PCLO: variants seen among roughly 807,000 people sequenced by gnomAD.
The protein encoded by PCLO is protein piccolo.
A neutral mutation model predicts 427.5 loss-of-function variants in PCLO; 82 were observed. The observed-to-expected ratio is 0.19, with a 90% CI of 0.16 to 0.23. The LOEUF is 0.23. Ranked by LOEUF, PCLO falls within the 10% of genes least tolerant of loss-of-function variation. The pLI is 1.00. For missense variants in PCLO, 6,239 were observed against 6,115.9 expected (o/e 1.02, Z -0.67); for synonymous variants, 2,357 against 2,155.4 (o/e 1.09, Z -2.59).
Position 82,915,166 on chromosome 7 carries a change from C to G in PCLO, c.12820G>C (p.Ala4274Pro), listed in dbSNP as rs777954844. The change falls in exon 7 of 25, where the codon GCT becomes CCT. Residue 4274 changes from alanine to proline, a missense_variant. Physicochemically the swap from Ala to Pro is conservative, Grantham distance 27. Around this residue, in one of 5 missense-constraint regions of PCLO, gnomAD observed 680 missense variants for 677.3 expected, o/e 1.00. Transcript: ENST00000333891. ...LGTLGNTIRS[A>P]LQDEADKPYS... ...GGCTTATCCGCTTCATCCTGCAGAG[C>G]TGAGCGTATGGTATTTCCTAATGTG... The G allele has an allele frequency of 6.3e-7, 1 of 1,599,158 alleles. No individual in the cohort carries two copies. Among genetic ancestry groups the G allele is most frequent in the South Asian group, 1.1e-5 (1 of 89,578 alleles).
intron 3 of PCLO, among the ~76,000 whole-genome samples, chr7:83,023,735 T>C (rs543353575): frequency 5.3e-5 from 8 of 152,174 alleles, no homozygotes; most frequent in Admixed American, 2.0e-4. Flanking sequence ...AGATAAAATT[T>C]AATAGTTTCA....
intron 2 of PCLO, among the ~76,000 whole-genome samples, chr7:83,141,432 T>A (rs567768791): frequency 6.6e-6 from 1 of 152,178 alleles, no homozygotes; most frequent in East Asian, 1.9e-4. Context: ...GATACAACTG[T>A]TTAGTGAGCT....
intron 6 of PCLO, among the ~76,000 whole-genome samples, chr7:82,941,963 G>A (rs1366615491): frequency 6.6e-6 from 1 of 152,130 alleles, no homozygotes. Flanking sequence ...AGGATCACTT[G>A]AGGTCAGGAG....
chr7:82,977,763 T>G (rs975341591), intron 3 of PCLO, among the ~76,000 whole-genome samples: 1 of 152,148 alleles, frequency 6.6e-6, no homozygotes, highest in Non-Finnish European at 1.5e-5. Context: ...AACTTTAAAA[T>G]GAACACCCAT....
chr7:83,060,041 G>C (rs1185282266), intron 3 of PCLO, among the ~76,000 whole-genome samples: 2 of 152,142 alleles, frequency 1.3e-5, no homozygotes, highest in Non-Finnish European at 2.9e-5. Flanking sequence ...TGTTTCCTAT[G>C]GCAAGAAAAT....
At chr7:83,120,335 G>A (rs1417607020) in intron 3 of PCLO, among the ~76,000 whole-genome samples, 1 of 150,200 alleles carries the variant, frequency 6.7e-6, no homozygotes, top group Non-Finnish European at 1.5e-5. Flanking sequence ...CTGGGAGGCA[G>A]AGGTTGAGGG....
At position 82,811,915 on chromosome 7, in the gene PCLO, C is replaced by T. The variant is rs1217045591; in HGVS notation, c.14792-6086G>A. On this transcript the variant is annotated intron_variant, in intron 20 of 24. Transcript: ENST00000333891. The stretch of plus-strand genomic sequence containing the variant: ...GACAAATTATTAGATGACTATTAGT[C>T]ATTACAGATATATTTTATATATATA... Among the ~76,000 whole-genome samples the T allele has an allele frequency of 2.6e-5, 4 of 151,116 alleles. No individual in the cohort carries two copies. The East Asian group carries it at 7.7e-4, about 29-fold the overall frequency.
At chr7:82,956,965 C>A (rs772421014) in intron 4 of PCLO, 30 bp from the exon 5 acceptor site, 1 of 1,521,302 alleles carries the variant, frequency 6.6e-7, no homozygotes, top group Admixed American at 2.3e-5. Context: ...TACAGGAAAA[C>A]TTAACATGGT....
intron 3 of PCLO, among the ~76,000 whole-genome samples, chr7:83,008,374 T>C (rs571757185): frequency 6.6e-6 from 1 of 151,880 alleles, no homozygotes; most frequent in African/African-American, 2.4e-5. Flanking sequence ...AGCTATAACT[T>C]GTGGGAGTAG....
Position 83,156,364 on chromosome 7 carries a change from G to C in PCLO, c.277C>G (p.Pro93Ala). ...RKQELDSSHP[P>A]KQSGRPPDPG... ...TCCGGGGGTCTTCCTGATTGCTTTGGAGGATGACTACTATCCAACTCTTGT... is the reference window on the plus strand; with the variant it reads ...TCCGGGGGTCTTCCTGATTGCTTTGCAGGATGACTACTATCCAACTCTTGT... Residue 93 changes from proline (P) to alanine (A), a missense_variant, in exon 2 of 25, where the codon CCA becomes GCA. This residue lies in a region of PCLO where 4,677 missense variants were observed against 4,468.4 expected (regional missense o/e 1.05). Coordinates refer to ENST00000333891, the MANE Select transcript of PCLO (RefSeq NM_033026.6). 6.2e-7 allele frequency: 1 copy of C among 1,606,742 alleles called. No homozygotes were observed. Among genetic ancestry groups the C allele is most frequent in the Admixed American group, 1.7e-5 (1 of 59,420 alleles).
intron 22 of PCLO, among the ~76,000 whole-genome samples, chr7:82,790,712 G>A (rs1046136705): frequency 8.5e-5 from 13 of 152,110 alleles, no homozygotes; most frequent in Admixed American, 5.9e-4. Flanking sequence ...ATCCAGCTGC[G>A]CTTGTGAAAA....
At chr7:82,964,277 G>A (rs1795716972) in intron 4 of PCLO, among the ~76,000 whole-genome samples, 1 of 152,076 alleles carries the variant, frequency 6.6e-6, no homozygotes, top group Non-Finnish European at 1.5e-5. Flanking sequence ...GAGTAACTGG[G>A]AGACAGGAGA....
intron 3 of PCLO, among the ~76,000 whole-genome samples, chr7:82,973,322 A>G (rs930980713): frequency 6.6e-6 from 1 of 152,138 alleles, no homozygotes; most frequent in African/African-American, 2.4e-5. Context: ...TGTTTCTTTT[A>G]AAACCACTGA....
At chr7:83,149,706 C>T (rs1029820397) in intron 2 of PCLO, among the ~76,000 whole-genome samples, 1 of 152,178 alleles carries the variant, frequency 6.6e-6, no homozygotes, top group African/African-American at 2.4e-5. Flanking sequence ...TATTTTCTAC[C>T]AGCTCTTCTG....
At chr7:82,970,792 G>C (rs750201103) in intron 3 of PCLO, among the ~76,000 whole-genome samples, 2 of 151,820 alleles carry the variant, frequency 1.3e-5, no homozygotes, top group African/African-American at 2.4e-5. Flanking sequence ...AAAATACAAA[G>C]AGGAAATGAG....
At chr7:82,826,703 TCATA>T (rs780011243) in intron 17 of PCLO, 43 bp from the exon 18 acceptor site, 1 of 1,229,972 alleles carries the variant, frequency 8.1e-7, no homozygotes, top group South Asian at 1.4e-5. Flanking sequence ...TATCTTTCCA[TCATA>T]CATTTTCATT....
chr7:82,865,435 C>T (rs1046855914), intron 10 of PCLO, among the ~76,000 whole-genome samples: 1 of 152,154 alleles, frequency 6.6e-6, no homozygotes, highest in Non-Finnish European at 1.5e-5. Flanking sequence ...GTGCAGTGAG[C>T]TGAGATCGCG....
intron 12 of PCLO, 39 bp downstream of exon 12, chr7:82,846,528 C>A (rs1792507032): frequency 7.7e-7 from 1 of 1,306,048 alleles, no homozygotes; most frequent in South Asian, 1.2e-5. Flanking sequence ...CTATTTCTAT[C>A]TCTTTATTTA....
At chr7:82,876,412 A>T (rs929073430) in intron 10 of PCLO, among the ~76,000 whole-genome samples, 1 of 151,442 alleles carries the variant, frequency 6.6e-6, no homozygotes, top group Non-Finnish European at 1.5e-5. Context: ...GATGAAGGAT[A>T]TAGTGTATAA....
Sources: gnomAD v4.1 joint callset for allele counts (sites outside exome capture counted in the v4.1 genomes callset) on GRCh38, gnomAD v4.1.1 for gene constraint, gnomAD v4.1.1 regional missense constraint, MANE v1.5 for transcripts, NCBI Gene and HGNC (gene_info 2026-07-23, HGNC 2026-07-21) for gene names.